Variants in DYNC2H1 observed in about 807,000 individuals in gnomAD.
DYNC2H1 encodes the protein dynein cytoplasmic 2 heavy chain 1.
In DYNC2H1, 410 loss-of-function variants were observed where a neutral mutation model predicts 570.0. That is an observed-to-expected ratio of 0.72 (90% CI 0.66 to 0.78). DYNC2H1 has a LOEUF of 0.78. DYNC2H1 is among the 30% of genes least tolerant of loss of function. DYNC2H1 has a pLI of 0.00. For synonymous variants in DYNC2H1, 1,688 were observed against 1,677.6 expected (o/e 1.01, Z -0.15); for missense variants, 4,865 against 5,046.4 (o/e 0.96, Z 1.09).
At chr11:103,287,647 T>G in intron 75 of DYNC2H1, 42 bp downstream of exon 75, 1 of 1,492,638 alleles carries the variant, frequency 6.7e-7, no homozygotes, top group Non-Finnish European at 9.1e-7. Context: ...CTGACCTGAA[T>G]TATTTGTTTT....
In DYNC2H1 at chr11:103,218,261, A is replaced by G. The variant is rs562152843; in HGVS notation, c.8833-1654A>G. ...AAACGTGATAAATCTTAGAAGCATT[A>G]CACTTAAGCGAAAACAGCCAGACAC... On this transcript the variant is annotated intron_variant, in intron 55 of 88. Transcript: ENST00000375735. Among the ~76,000 whole-genome samples the G allele has an allele frequency of 5.3e-5, 8 of 152,358 alleles. No homozygotes were observed. In the South Asian group the frequency reaches 1.7e-3, roughly 32 times the overall value.
chr11:103,121,950 C>CA (rs373618455), intron 10 of DYNC2H1, among the ~76,000 whole-genome samples: 18 of 146,110 alleles, frequency 1.2e-4, no homozygotes, highest in East Asian at 2.0e-4. Flanking sequence ...GATGCTATCT[C>CA]AAAAAAAAAA....
At chr11:103,153,216 T>C (rs1188251580) in intron 21 of DYNC2H1, 87 bp from the exon 22 acceptor site, 2 of 1,231,090 alleles carry the variant, frequency 1.6e-6, no homozygotes, top group Admixed American at 3.4e-5. Flanking sequence ...TTTTTCACTT[T>C]TAAATAGAAA....
rs147560820 is a variant in DYNC2H1 at position 103,124,035 on chromosome 11, C to A, written c.1661+1035C>A. ...TCATTTTAAGCCATTTTAAAGTGTT[C>A]TACTTTTTATTATATTTTGTTTTAT... On this transcript the variant is annotated intron_variant, in intron 11 of 88. Transcript: ENST00000375735. Among the ~76,000 whole-genome samples the A allele has an allele frequency of 4.2e-3, 644 of 152,150 alleles. 7 individuals are homozygous for A. The East Asian group carries it at 0.048, about 11-fold the overall frequency.
chr11:103,262,134 G>C (rs1280992112), intron 70 of DYNC2H1, among the ~76,000 whole-genome samples: 1 of 152,170 alleles, frequency 6.6e-6, no homozygotes. Context: ...AATAAAGCAT[G>C]AAGACAAGAT....
chr11:103,243,856 G>A lies in DYNC2H1; in HGVS notation c.9918+65G>A. On this transcript the variant is annotated intron_variant, in intron 64 of 88. Transcript: ENST00000375735. This position sits in a 1 kb window ranked among gnomAD's most constrained non-coding sequence, Gnocchi z 4.8. ...CCTCTTATAGTGAAAAGATCTTGGA[G>A]TCTATAATCAGAAAACATAGATTCA... The A allele has an allele frequency of 6.2e-6, 8 of 1,283,076 alleles. No individual in the cohort carries two copies. The highest frequency in any genetic ancestry group is 8.6e-6 in the Non-Finnish European group (8 of 929,922). 79.5% of individuals were successfully genotyped at this position (1,283,076 alleles called of 1,614,324 possible). A position where few individuals can be genotyped will look rare whatever the true frequency, so the allele number is the denominator to read the frequency against.
intron 84 of DYNC2H1, chr11:103,403,671 A>G (rs1464455077): frequency 6.6e-6 from 1 of 152,050 alleles, no homozygotes; most frequent in African/African-American, 2.4e-5. Context: ...TTGATGCCTA[A>G]TGAGGGAATA....
chr11:103,276,164 A>T (rs1865898518), intron 70 of DYNC2H1, among the ~76,000 whole-genome samples: 1 of 151,204 alleles, frequency 6.6e-6, no homozygotes, highest in Non-Finnish European at 1.5e-5. Flanking sequence ...TAATTCACTT[A>T]ATCAAGAAAT....
chr11:103,374,818 T>C (rs1286975348), intron 83 of DYNC2H1, among the ~76,000 whole-genome samples: 3 of 152,184 alleles, frequency 2.0e-5, no homozygotes, highest in African/African-American at 7.2e-5. Flanking sequence ...CATAAAAGTT[T>C]GGAACATTTG....
In DYNC2H1 at chr11:103,307,776, T is replaced by C; in HGVS notation, c.11438T>C (p.Val3813Ala). ...TTTCGTCTTTGGCTCACTGCAGAAG[T>C]TCATCCCAACTTTACTCCTATTTTA... ...DTFRLWLTAE[V>A]HPNFTPILLQ... Residue 3813 changes from valine to alanine, a missense_variant, in exon 78 of 89, where the codon GTT (valine) becomes GCT (alanine). Val to Ala is a moderately conservative substitution (Grantham distance 64, BLOSUM62 0). Around this residue, in one of 5 missense-constraint regions of DYNC2H1, gnomAD observed 2,401 missense variants for 2,454.6 expected, o/e 0.98. Transcript: ENST00000375735. The C allele has an allele frequency of 1.9e-6, 3 of 1,606,670 alleles. No homozygotes were observed. Among genetic ancestry groups the C allele is most frequent in the Non-Finnish European group, 2.6e-6 (3 of 1,176,102 alleles).
At chr11:103,314,858 A>T (rs970151119) in intron 79 of DYNC2H1, among the ~76,000 whole-genome samples, 2 of 152,146 alleles carry the variant, frequency 1.3e-5, no homozygotes, top group East Asian at 3.9e-4. Flanking sequence ...TGGGGATTTT[A>T]AAAATACTGA....
intron 87 of DYNC2H1, among the ~76,000 whole-genome samples, chr11:103,457,240 T>C (rs969874904): frequency 4.6e-5 from 7 of 152,238 alleles, no homozygotes; most frequent in Non-Finnish European, 1.0e-4. Context: ...TCATGCTTTA[T>C]GTATTTACTA....
chr11:103,114,274 A>G, intron 3 of DYNC2H1, 36 bp downstream of exon 3: 8 of 1,515,130 alleles, frequency 5.3e-6, no homozygotes, highest in Non-Finnish European at 7.1e-6. Flanking sequence ...AGAGTACAAA[A>G]TGATTGTCTC....
At chr11:103,351,048 G>C (rs979272846) in intron 82 of DYNC2H1, among the ~76,000 whole-genome samples, 2 of 152,138 alleles carry the variant, frequency 1.3e-5, no homozygotes, top group Non-Finnish European at 2.9e-5. Context: ...CCAAAACTTA[G>C]TGACTTGAAG....
At chr11:103,304,501 G>T in intron 76 of DYNC2H1, 94 bp from the exon 77 acceptor site, 1 of 1,353,646 alleles carries the variant, frequency 7.4e-7, no homozygotes, top group South Asian at 1.8e-5. Flanking sequence ...AGTTAGGAAG[G>T]TTTAGGGATT....
rs540042560 is a variant in DYNC2H1 at position 103,209,925 on chromosome 11, A to T, written c.8504A>T (p.Asp2835Val). 6.9e-5 allele frequency: 103 copies of T among 1,502,404 alleles called. 2 individuals are homozygous for T. In the South Asian group the frequency reaches 1.2e-3, roughly 18 times the overall value. The allele number at this position is 1,502,404 out of a possible 1,614,324, so 93.1% of individuals were successfully genotyped here. Residue 2835 changes from aspartate to valine, a missense_variant, in exon 53 of 89, where the codon GAT (aspartate) becomes GTT (valine). Around this residue, in one of 5 missense-constraint regions of DYNC2H1, gnomAD observed 2,401 missense variants for 2,454.6 expected, o/e 0.98. Coordinates refer to ENST00000375735, the MANE Select transcript of DYNC2H1 (RefSeq NM_001377.3). The surrounding 1 kb of genome is among the most constrained non-coding windows in gnomAD (Gnocchi z 4.2). ...ACAGGTGGTGGAGAAAAATACAATG[A>T]TAAAAAACGAAAAGAAGAAAAGAAA... ...SETGGGEKYNDKKRKEEKKKN... is the reference protein window; with the variant it reads ...SETGGGEKYNVKKRKEEKKKN...
At position 103,325,053 on chromosome 11, in the gene DYNC2H1, G is replaced by A; in HGVS notation, c.12039+1063G>A. On this transcript the variant is annotated intron_variant, in intron 82 of 88. Coordinates refer to ENST00000375735, the MANE Select transcript of DYNC2H1 (RefSeq NM_001377.3). This position sits in a 1 kb window ranked among gnomAD's most constrained non-coding sequence, Gnocchi z 4.8. ...TCATGTTTTTTGCCCACTTTTTAAT[G>A]GGCTTGTTTGTTTTTTGCTTGTTAA... is the stretch of plus-strand genomic sequence containing the variant. Among the ~76,000 whole-genome samples the A allele has an allele frequency of 6.6e-6, 1 of 151,978 alleles. No individual in the cohort carries two copies. Among genetic ancestry groups the A allele is most frequent in the East Asian group, 1.9e-4 (1 of 5,192 alleles).
chr11:103,391,745 A>G (rs1157042767), intron 83 of DYNC2H1, among the ~76,000 whole-genome samples: 2 of 152,128 alleles, frequency 1.3e-5, no homozygotes, highest in Non-Finnish European at 2.9e-5. Context: ...GGTCTGTTAG[A>G]GTTTGCTGGA....
rs1311511532 is a variant in DYNC2H1, at chr11:103,316,537, T to C, written c.11650-8T>C. The stretch of plus-strand genomic sequence containing the variant: ...AGTTGTTTACTTAAAAAAATTGTTT[T>C]TTGACAGGGTTGGACAAAGTTTTAT... On this transcript the variant is annotated splice_region_variant and splice_polypyrimidine_tract_variant and intron_variant, in intron 79 of 88. Transcript: ENST00000375735. 1 of 1,539,872 alleles carries C rather than the reference T, an allele frequency of 6.5e-7. No individual in the cohort carries two copies. Among genetic ancestry groups the C allele is most frequent in the Admixed American group, 2.0e-5 (1 of 48,830 alleles).
Sources: allele counts gnomAD v4.1 joint callset (sites outside exome capture counted in the v4.1 genomes callset), GRCh38; gene constraint gnomAD v4.1.1; regional missense constraint gnomAD v4.1.1; non-coding constraint Gnocchi (gnomAD v3.1); transcripts MANE v1.5; gene names NCBI Gene and HGNC (gene_info 2026-07-23, HGNC 2026-07-21).